Variants in TTC27 observed in about 807,000 individuals in gnomAD.
TTC27 encodes tetratricopeptide repeat domain 27.
In TTC27, 79 loss-of-function variants were observed where a neutral mutation model predicts 115.9. The observed-to-expected ratio is 0.68, with a 90% CI of 0.57 to 0.82. The LOEUF is 0.82. Among genes scored for constraint, TTC27 ranks in the 40% least tolerant of loss-of-function variants. The pLI is 0.00. For synonymous variants in TTC27, 401 were observed against 356.0 expected (o/e 1.13, Z -1.42); for missense variants, 1,054 against 993.1 (o/e 1.06, Z -0.82).
chr2:32,754,799 C>CG (rs1558326166), intron 12 of TTC27, among the ~76,000 whole-genome samples: 1 of 139,124 alleles, frequency 7.2e-6, no homozygotes, highest in East Asian at 2.4e-4. Flanking sequence ...CCCTCCCGGA[C>CG]GGGGCGGCTG....
intron 9 of TTC27, among the ~76,000 whole-genome samples, chr2:32,695,807 C>T (rs1418417054): frequency 1.3e-5 from 2 of 148,608 alleles, no homozygotes; most frequent in Non-Finnish European, 3.0e-5. Flanking sequence ...GAGGCAGGAC[C>T]ATCGCTTGAA....
chr2:32,714,158 C>G (rs1037359987), intron 10 of TTC27, among the ~76,000 whole-genome samples: 1 of 149,522 alleles, frequency 6.7e-6, no homozygotes, highest in Non-Finnish European at 1.5e-5. Flanking sequence ...CCCCCGCCCC[C>G]CCGCCTTTTT....
chr2:32,800,602 A>G (rs1044896657), intron 16 of TTC27, among the ~76,000 whole-genome samples: 1 of 152,020 alleles, frequency 6.6e-6, no homozygotes, highest in African/African-American at 2.4e-5. Flanking sequence ...GGTTCAAGCA[A>G]TTCTCCTGCC....
At chr2:32,772,777 A>T (rs901337802) in intron 13 of TTC27, among the ~76,000 whole-genome samples, 1 of 152,138 alleles carries the variant, frequency 6.6e-6, no homozygotes, top group Non-Finnish European at 1.5e-5. Context: ...ATTCCATTCT[A>T]TTGTCAATGT....
intron 16 of TTC27, among the ~76,000 whole-genome samples, chr2:32,809,919 CCA>C (rs1308075136): frequency 4.6e-5 from 7 of 152,072 alleles, no homozygotes; most frequent in African/African-American, 1.7e-4. Context: ...GAGTTCAAGA[CCA>C]GCCTGGCCAA....
At chr2:32,720,094 A>T (rs1311727079) in intron 10 of TTC27, among the ~76,000 whole-genome samples, 2 of 152,190 alleles carry the variant, frequency 1.3e-5, no homozygotes, top group African/African-American at 4.8e-5. Context: ...TTCTCTCCTT[A>T]CTGCTGACTG....
intron 1 of TTC27, 107 bp downstream of exon 1, chr2:32,628,487 A>G: frequency 1.8e-6 from 2 of 1,137,398 alleles, no homozygotes; most frequent in Non-Finnish European, 2.4e-6. Context: ...AACACAGTCT[A>G]GCTGATTCCT....
intron 10 of TTC27, among the ~76,000 whole-genome samples, chr2:32,730,651 T>G (rs1428211746): frequency 5.4e-5 from 8 of 147,686 alleles, no homozygotes; most frequent in Non-Finnish European, 8.9e-5. Flanking sequence ...TGAGACAGTC[T>G]CACTCTGTCA....
intron 12 of TTC27, among the ~76,000 whole-genome samples, chr2:32,749,323 C>T (rs191080617): frequency 6.6e-6 from 1 of 152,256 alleles, no homozygotes; most frequent in Non-Finnish European, 1.5e-5. Flanking sequence ...TCCAGAAATG[C>T]AGCTTTAAAG....
intron 3 of TTC27, among the ~76,000 whole-genome samples, chr2:32,637,439 C>T (rs1664470768): frequency 6.6e-6 from 1 of 152,056 alleles, no homozygotes; most frequent in South Asian, 2.1e-4. Context: ...TCAAGTGATT[C>T]TCCTGCCTCA....
intron 7 of TTC27, among the ~76,000 whole-genome samples, chr2:32,669,126 T>C (rs533186268): frequency 2.5e-4 from 38 of 152,192 alleles, no homozygotes; most frequent in African/African-American, 8.7e-4. Flanking sequence ...TACCTGTTTA[T>C]CTATTTAGAG....
At chr2:32,782,537 G>T in intron 14 of TTC27, 89 bp from the exon 15 acceptor site, 1 of 1,112,910 alleles carries the variant, frequency 9.0e-7, no homozygotes, top group South Asian at 1.4e-5. Context: ...AGCATATATT[G>T]GACTAGGAGA....
intron 5 of TTC27, among the ~76,000 whole-genome samples, chr2:32,655,489 G>T (rs1665283829): frequency 6.6e-6 from 1 of 152,056 alleles, no homozygotes; most frequent in Non-Finnish European, 1.5e-5. Context: ...CTGATTCCCT[G>T]TATGAACTCA....
Position 32,672,306 on chromosome 2 carries a change from A to G in TTC27, c.974A>G (p.Asp325Gly), listed in dbSNP as rs947258522. Residue 325 changes from aspartate to glycine, a missense_variant, in exon 8 of 20, where the codon GAC becomes GGC. Asp to Gly is a moderately conservative substitution (Grantham distance 94). Transcript: ENST00000317907. Reference sequence around the variant, plus strand: ...CTCAATGATGACACCATTCTGAATGACATAAAGTTAGCAGATTGTGAACAG... The same window carrying G: ...CTCAATGATGACACCATTCTGAATGGCATAAAGTTAGCAGATTGTGAACAG... ...LELNDDTILNDIKLADCEQFQ... is the reference protein window; with the variant it reads ...LELNDDTILNGIKLADCEQFQ... 9.9e-6 allele frequency: 16 copies of G among 1,613,768 alleles called. No homozygotes were observed. The highest frequency in any genetic ancestry group is 1.4e-5 in the Non-Finnish European group (16 of 1,179,850).
chr2:32,693,849 T>A (rs1357280270), intron 9 of TTC27, among the ~76,000 whole-genome samples: 2 of 152,238 alleles, frequency 1.3e-5, no homozygotes, highest in African/African-American at 2.4e-5. Flanking sequence ...TAGCACTTCT[T>A]TTTATGAAAA....
chr2:32,757,160 T>G (rs1031561651), intron 12 of TTC27, among the ~76,000 whole-genome samples: 7 of 152,164 alleles, frequency 4.6e-5, no homozygotes, highest in Admixed American at 3.3e-4. Flanking sequence ...TTAGATACAA[T>G]TTAATAGACA....
intron 10 of TTC27, among the ~76,000 whole-genome samples, chr2:32,719,406 A>G (rs1667852061): frequency 6.6e-6 from 1 of 152,348 alleles, no homozygotes; most frequent in East Asian, 1.9e-4. Context: ...GAGGTTGACT[A>G]TATGGGAAAC....
intron 16 of TTC27, among the ~76,000 whole-genome samples, chr2:32,808,576 C>G (rs766520021): frequency 6.6e-6 from 1 of 152,210 alleles, no homozygotes; most frequent in Non-Finnish European, 1.5e-5. Context: ...CCTTGCCCTT[C>G]TGCAGTTCCC....
intron 10 of TTC27, among the ~76,000 whole-genome samples, chr2:32,714,211 T>G (rs1667680962): frequency 7.1e-6 from 1 of 139,930 alleles, no homozygotes; most frequent in Admixed American, 7.8e-5. Context: ...CAGGCTGGAG[T>G]GCAGTGGTAC....
Sources: gnomAD v4.1 joint callset for allele counts (sites outside exome capture counted in the v4.1 genomes callset) on GRCh38, gnomAD v4.1.1 for gene constraint, MANE v1.5 for transcripts, NCBI Gene and HGNC (gene_info 2026-07-23, HGNC 2026-07-21) for gene names.